The following PNPLA4 variants were observed in gnomAD, a reference collection of about 807,000 sequenced individuals.
PNPLA4 encodes patatin-like phospholipase domain-containing protein 4.
Under a neutral mutation model 18.3 loss-of-function variants are expected in PNPLA4, and 15 were observed. The observed-to-expected ratio is 0.82, with a 90% CI of 0.55 to 1.26. The LOEUF is 1.26. Ranked by LOEUF, PNPLA4 falls within the 50% of genes most tolerant of loss-of-function variation. The pLI is 0.00. For missense variants in PNPLA4, 229 were observed against 196.8 expected (o/e 1.16, Z -0.98); for synonymous variants, 88 against 85.6 (o/e 1.03, Z -0.16).
intron 4 of PNPLA4, among the ~76,000 whole-genome samples, chrX:7,914,503 A>G (rs904563912): frequency 2.7e-5 from 3 of 112,122 alleles, no homozygotes; most frequent in Non-Finnish European, 5.6e-5. Flanking sequence ...TAAAAAAATA[A>G]TCACAGACCC....
intron 4 of PNPLA4, among the ~76,000 whole-genome samples, chrX:7,920,288 C>T (rs1246426062): frequency 3.6e-5 from 4 of 111,236 alleles, no homozygotes; most frequent in African/African-American, 1.3e-4. Flanking sequence ...TGCATGTCTG[C>T]CCACCGCAAG....
At chrX:7,916,683 C>T (rs1924056101) in intron 4 of PNPLA4, among the ~76,000 whole-genome samples, 1 of 111,948 alleles carries the variant, frequency 8.9e-6, no homozygotes, top group African/African-American at 3.2e-5. Context: ...CCCTCCATGA[C>T]TCTTTTCAAT....
chrX:7,926,917 G>A (rs1332695115), intron 1 of PNPLA4, among the ~76,000 whole-genome samples: 3 of 112,127 alleles, frequency 2.7e-5, no homozygotes, highest in Non-Finnish European at 5.6e-5. Flanking sequence ...GGTTTCCTTG[G>A]GGGCCCAAGG....
In PNPLA4 at chrX:7,900,161, G is replaced by A. The variant is rs1484895784; in HGVS notation, c.*525C>T. ...TTGTAAATTGCCCAGTCTTGGGTAT[G>A]TCTTTCTCAGCAGTGTGAAAATGGA... is the stretch of plus-strand genomic sequence containing the variant. On this transcript the variant is annotated 3_prime_UTR_variant, in exon 7 of 7. Transcript: ENST00000381042. 1 of 115,715 alleles carries A rather than the reference G, an allele frequency of 8.6e-6. No homozygotes were observed. The highest frequency in any genetic ancestry group is 1.8e-5 in the Non-Finnish European group (1 of 56,154). 9.5% of individuals were successfully genotyped at this position (115,715 alleles called of 1,213,427 possible).
rs1569102748 is a variant in PNPLA4 at position 7,901,866 on chromosome X, G to A, written c.630+123C>T. 7 of 653,498 alleles carry A rather than the reference G, an allele frequency of 1.1e-5. No individual in the cohort carries two copies. The East Asian group carries it at 2.4e-4, about 22-fold the overall frequency. The allele number at this position is 653,498 out of a possible 1,213,427, so 53.9% of individuals were successfully genotyped here. On this transcript the variant is annotated intron_variant, in intron 6 of 6. Transcript: ENST00000381042. ...ATAAAGTATTAAACAACACACTAAG[G>A]AGAAGATGCAACTCCTACCTACAAT...
intron 6 of PNPLA4, among the ~76,000 whole-genome samples, chrX:7,901,062 G>T (rs1211426175): frequency 9.0e-6 from 1 of 111,459 alleles, no homozygotes; most frequent in African/African-American, 3.3e-5. Flanking sequence ...ACTGCAGGAC[G>T]TTTAACACCA....
intron 4 of PNPLA4, among the ~76,000 whole-genome samples, chrX:7,914,892 C>G (rs1220058990): frequency 8.9e-6 from 1 of 111,883 alleles, no homozygotes; most frequent in Non-Finnish European, 1.9e-5. Flanking sequence ...ATGAAAAGTG[C>G]AATGAACTGG....
At position 7,925,983 on chromosome X, in the gene PNPLA4, G is replaced by T. The variant is rs762375263; in HGVS notation, c.137C>A (p.Ser46Ter). The T allele has an allele frequency of 9.1e-6, 11 of 1,210,311 alleles. No homozygotes were observed. Among genetic ancestry groups the T allele is most frequent in the Non-Finnish European group, 1.2e-5 (11 of 895,116 alleles). The change falls in exon 2 of 7, where the codon TCG (serine) becomes TAG (stop). Residue 46 changes from serine (S) to a stop codon, truncating the protein, a stop_gained. Transcript: ENST00000381042. LOFTEE classifies it high-confidence loss of function. The stretch of plus-strand genomic sequence containing the variant: ...TGTTAGCAGAACAGAAGCAACCAAC[G>T]ATCCCGCAGACGCCCCAGCGAAGGC... Reference protein sequence around the residue: ...VKAFAGASAGSLVASVLLTAP... With the variant: ...VKAFAGASAG
chrX:7,907,850 T>C (rs1418232771), intron 5 of PNPLA4, among the ~76,000 whole-genome samples: 1 of 108,165 alleles, frequency 9.2e-6, no homozygotes, highest in Non-Finnish European at 1.9e-5. Flanking sequence ...GCCTCCAAAG[T>C]AGCTGGGACT....
rs1276903973 is a variant in PNPLA4 at position 7,899,678 on chromosome X, A to AGAGAGAGAAT, written c.*1007_*1008insATTCTCTCTC. 9.7e-6 allele frequency: 1 copy of AGAGAGAGAAT among 103,377 alleles called. No homozygotes were observed. The highest frequency in any genetic ancestry group is 2.0e-5 in the Non-Finnish European group (1 of 50,900). The allele number at this position is 103,377 out of a possible 1,213,427, so 8.5% of individuals were successfully genotyped here. On this transcript the variant is annotated 3_prime_UTR_variant, in exon 7 of 7. Transcript: ENST00000381042. Reference sequence around the variant, plus strand: ...GAGAGAGAGAGAGAGAGAGAGAGAGAGAATGAATGACAACCAGCTTGATAA... The same window carrying AGAGAGAGAAT: ...GAGAGAGAGAGAGAGAGAGAGAGAGAGAGAGAGAATGAATGAATGACAACCAGCTTGATAA...
chrX:7,912,159 T>C (rs756419805), intron 4 of PNPLA4, 66 bp from the exon 5 acceptor site: 124 of 825,811 alleles, frequency 1.5e-4, no homozygotes, highest in Non-Finnish European at 2.0e-4. Context: ...ATACAGTTGA[T>C]GTAGTATTGA....
rs1351612207 is a variant in PNPLA4 at position 7,899,710 on chromosome X, A to G, written c.*976T>C. On this transcript the variant is annotated 3_prime_UTR_variant, in exon 7 of 7. Transcript: ENST00000381042. ...ATGACAACCAGCTTGATAATCTCCT[A>G]AACTGGGGTGGGGTTTAGGGGAGGA... The G allele has an allele frequency of 2.0e-5, 2 of 101,878 alleles. No individual in the cohort carries two copies. Among genetic ancestry groups the G allele is most frequent in the African/African-American group, 7.2e-5 (2 of 27,601 alleles). 8.4% of individuals were successfully genotyped at this position (101,878 alleles called of 1,213,427 possible).
chrX:7,918,379 T>A (rs754754929), intron 4 of PNPLA4, among the ~76,000 whole-genome samples: 3 of 111,596 alleles, frequency 2.7e-5, no homozygotes, highest in Non-Finnish European at 5.7e-5. Context: ...AAACCCCTTA[T>A]AAAACCATCA....
In PNPLA4 at chrX:7,922,068, C is replaced by T. The variant is rs371502734; in HGVS notation, c.211G>A (p.Glu71Lys). ...ECNQFTYKFA[E>K]EIRRQSFGAV... ...CCGAAAGACTGCCTTCTGATTTCTT[C>T]GGCAAACTTGTAGGTAAATTGGTTA... is the stretch of plus-strand genomic sequence containing the variant. Residue 71 changes from glutamate (E) to lysine (K), a missense_variant, in exon 3 of 7, where the codon GAA becomes AAA. Transcript: ENST00000381042. 15 of 1,204,915 alleles carry T rather than the reference C, an allele frequency of 1.2e-5. No individual in the cohort carries two copies. Among genetic ancestry groups the T allele is most frequent in the Admixed American group, 2.2e-5 (1 of 45,696 alleles).
chrX:7,898,600 C>T lies in PNPLA4; in HGVS notation c.*2086G>A, dbSNP rs1308570984. On this transcript the variant is annotated 3_prime_UTR_variant, in exon 7 of 7. Coordinates refer to ENST00000381042, the MANE Select transcript of PNPLA4 (RefSeq NM_004650.3). ...GCACCAAGTATGTGTTTCATTACACCGCTGTATTCCCCTCATGTAGGAAAG... is the reference window on the plus strand; with the variant it reads ...GCACCAAGTATGTGTTTCATTACACTGCTGTATTCCCCTCATGTAGGAAAG... 2 of 111,517 alleles carry T rather than the reference C, an allele frequency of 1.8e-5. No homozygotes were observed. The highest frequency in any genetic ancestry group is 1.9e-4 in the Admixed American group (2 of 10,531). The allele number at this position is 111,517 out of a possible 1,213,427, so 9.2% of individuals were successfully genotyped here. A position where few individuals can be genotyped will look rare whatever the true frequency, so the allele number is the denominator to read the frequency against.
At chrX:7,916,149 C>G (rs867884449) in intron 4 of PNPLA4, among the ~76,000 whole-genome samples, 9 of 111,984 alleles carry the variant, frequency 8.0e-5, no homozygotes, top group African/African-American at 2.3e-4. Context: ...AGTAGTGGAA[C>G]TCTACGACGC....
In PNPLA4 at chrX:7,899,626, CGAGAGAGAGAGAGAGAGAGAGAGA is replaced by C. The variant is rs59034856; in HGVS notation, c.*1036_*1059del. 1.3e-4 allele frequency: 6 copies of C among 46,583 alleles called. No homozygotes were observed. The highest frequency in any genetic ancestry group is 3.2e-4 in the African/African-American group (4 of 12,320). 3.8% of individuals were successfully genotyped at this position (46,583 alleles called of 1,213,427 possible). A position where few individuals can be genotyped will look rare whatever the true frequency, so the allele number is the denominator to read the frequency against. On this transcript the variant is annotated 3_prime_UTR_variant, in exon 7 of 7. Coordinates refer to ENST00000381042, the MANE Select transcript of PNPLA4 (RefSeq NM_004650.3). ...TAGCTAAATACTCAGAGAGGTATGG[CGAGAGAGAGAGAGAGAGAGAGAGA>C]GAGAGAGAGAGAGAGAGAGAGAGAG...
chrX:7,900,701 T>G lies in PNPLA4; in HGVS notation c.747A>C (p.Glu249Asp), dbSNP rs1299748360. 2 of 1,156,427 alleles carry G rather than the reference T, an allele frequency of 1.7e-6. No individual in the cohort carries two copies. Among genetic ancestry groups the G allele is most frequent in the Non-Finnish European group, 2.3e-6 (2 of 857,396 alleles). The change falls in exon 7 of 7, where the codon GAA (glutamate) becomes GAC (aspartate). Residue 249 changes from glutamate to aspartate, a missense_variant. By Grantham distance (45) the Glu-to-Asp change is conservative. Transcript: ENST00000381042. ...FDDTVKFLLK[E>D]NWFE Reference sequence around the variant, plus strand: ...TTTATGCATTTTATTCAAACCAATTTTCTTTAAGTAAAAACTTAACAGTGT... The same window carrying G: ...TTTATGCATTTTATTCAAACCAATTGTCTTTAAGTAAAAACTTAACAGTGT...
At chrX:7,925,139 C>A (rs753896153) in intron 2 of PNPLA4, among the ~76,000 whole-genome samples, 1 of 112,205 alleles carries the variant, frequency 8.9e-6, no homozygotes, top group Non-Finnish European at 1.9e-5. Context: ...ATCTAGCTTC[C>A]CTTTGATAAG....
Sources: allele counts gnomAD v4.1 joint callset (sites outside exome capture counted in the v4.1 genomes callset), GRCh38; gene constraint gnomAD v4.1.1; transcripts MANE v1.5; gene names NCBI Gene and HGNC (gene_info 2026-07-23, HGNC 2026-07-21).